Variants in COBL observed in about 807,000 individuals in gnomAD.
COBL encodes protein cordon-bleu.
COBL carries 51 observed loss-of-function variants against 98.8 expected under a neutral mutation model. The ratio of observed to expected loss-of-function variants is 0.52; its 90% confidence interval spans 0.41 to 0.65. The LOEUF (loss-of-function observed/expected upper bound fraction) is 0.65. Ranked by LOEUF, COBL falls within the 30% of genes least tolerant of loss-of-function variation. The pLI, the probability that COBL is intolerant of heterozygous loss-of-function variation, is 0.00. For synonymous variants in COBL, 634 were observed against 651.7 expected (o/e 0.97, Z 0.41); for missense variants, 1,617 against 1,617.5 (o/e 1.00, Z 0.01).
At chr7:51,268,486 T>A (rs1221819479) in intron 1 of COBL, among the ~76,000 whole-genome samples, 7 of 152,194 alleles carry the variant, frequency 4.6e-5, no homozygotes, top group Admixed American at 1.3e-4. Flanking sequence ...GCAACGCAGA[T>A]GAACGCTGAG....
At chr7:51,232,073 A>G (rs954386692) in intron 1 of COBL, among the ~76,000 whole-genome samples, 3 of 152,214 alleles carry the variant, frequency 2.0e-5, no homozygotes, top group East Asian at 1.9e-4. Flanking sequence ...TCTGAGAAAT[A>G]GGACCGTTCT....
intron 8 of COBL, chr7:51,031,199 CA>C: frequency 3.0e-6 from 1 of 333,980 alleles, no homozygotes. Context: ...TGTGGGGCCC[CA>C]AAGTGTTACA....
intron 1 of COBL, chr7:51,260,313 A>G (rs1797603395): frequency 2.3e-6 from 1 of 428,928 alleles, no homozygotes; most frequent in Admixed American, 4.0e-5. Flanking sequence ...GAACAGGATA[A>G]TATGTAAAGT....
chr7:51,280,330 T>C (rs1394542501), intron 1 of COBL, among the ~76,000 whole-genome samples: 1 of 152,190 alleles, frequency 6.6e-6, no homozygotes, highest in Admixed American at 6.5e-5. Context: ...TTCTCTATTA[T>C]GCTCATCTCC....
chr7:51,209,125 C>T (rs776847708), intron 2 of COBL, among the ~76,000 whole-genome samples: 5 of 151,700 alleles, frequency 3.3e-5, no homozygotes, highest in Non-Finnish European at 7.4e-5. Context: ...TTCATTCCTC[C>T]GTGACCCTGA....
chr7:51,043,874 T>A (rs577030534), intron 7 of COBL, among the ~76,000 whole-genome samples, 182 bp from the exon 8 acceptor site: 6 of 152,048 alleles, frequency 3.9e-5, no homozygotes, highest in African/African-American at 1.4e-4. Context: ...TCACAGGGAG[T>A]CATTTGTGTA....
chr7:51,229,210 G>A (rs975136867), intron 1 of COBL, among the ~76,000 whole-genome samples: 8 of 152,206 alleles, frequency 5.3e-5, no homozygotes, highest in Admixed American at 3.3e-4. Context: ...AGAGGCATCC[G>A]ATCCAATTCA....
chr7:51,284,296 G>A lies in COBL; in HGVS notation c.41+32297C>T, dbSNP rs921335418. 6.6e-5 allele frequency among the ~76,000 whole-genome samples: 10 copies of A among 150,986 alleles called. No individual in the cohort carries two copies. The East Asian group carries it at 9.8e-4, about 15-fold the overall frequency. Reference sequence around the variant, plus strand: ...AGCCTGGGCAACAGAGCAAGACTCCGTCTCAAAAAAAAAAGAAAAAAGAAT... The same window carrying A: ...AGCCTGGGCAACAGAGCAAGACTCCATCTCAAAAAAAAAAGAAAAAAGAAT... On this transcript the variant is annotated intron_variant, in intron 1 of 12. Transcript: ENST00000265136.
rs531920752 is a variant in COBL at position 51,279,046 on chromosome 7, A to G, written c.41+37547T>C. Among the ~76,000 whole-genome samples the G allele has an allele frequency of 2.0e-5, 3 of 152,344 alleles. No individual in the cohort carries two copies. The East Asian group carries it at 5.8e-4, about 29-fold the overall frequency. ...CAGCTGTTGTCATACTCAAATTACC[A>G]TCAGGGCCTGCCCTGTGTACTAGTC... On this transcript the variant is annotated intron_variant, in intron 1 of 12. Coordinates refer to ENST00000265136, the MANE Select transcript of COBL (RefSeq NM_015198.5).
chr7:51,134,084 CCAAA>C (rs1798999299), intron 6 of COBL, among the ~76,000 whole-genome samples: 1 of 152,128 alleles, frequency 6.6e-6, no homozygotes, highest in Non-Finnish European at 1.5e-5. Context: ...ATAAGGCTTC[CCAAA>C]CAAACATCTT....
intron 1 of COBL, among the ~76,000 whole-genome samples, chr7:51,247,395 C>A (rs534196418): frequency 1.1e-4 from 17 of 152,298 alleles, no homozygotes; most frequent in African/African-American, 4.1e-4. Flanking sequence ...GAGGTTCCTG[C>A]TAGCAAGGTA....
intron 6 of COBL, among the ~76,000 whole-genome samples, chr7:51,119,091 T>G (rs1464326672): frequency 2.0e-5 from 3 of 152,180 alleles, no homozygotes. Context: ...ACAGTTTAAT[T>G]CAGACACATA....
intron 2 of COBL, among the ~76,000 whole-genome samples, chr7:51,199,270 A>G (rs778761493): frequency 6.6e-6 from 1 of 152,102 alleles, no homozygotes; most frequent in African/African-American, 2.4e-5. Context: ...CTGACTCCAA[A>G]CTCAGCTTGA....
intron 7 of COBL, among the ~76,000 whole-genome samples, chr7:51,068,697 T>C (rs1792220326): frequency 1.3e-5 from 2 of 152,184 alleles, no homozygotes; most frequent in Admixed American, 1.3e-4. Flanking sequence ...ATTATATACT[T>C]TCTTTGTACA....
In COBL at chr7:51,085,318, A is replaced by T; in HGVS notation, c.958-14T>A. On this transcript the variant is annotated splice_polypyrimidine_tract_variant and intron_variant, in intron 6 of 12. Transcript: ENST00000265136. ...CCCAAGAGATACCTATGAAGTACAA[A>T]GAAGGAAAGTACAATCAAAGTACTT... is the stretch of plus-strand genomic sequence containing the variant. 1 of 1,273,588 alleles carries T rather than the reference A, an allele frequency of 7.9e-7. No individual in the cohort carries two copies. Among genetic ancestry groups the T allele is most frequent in the Non-Finnish European group, 1.1e-6 (1 of 947,380 alleles). 78.9% of individuals were successfully genotyped at this position (1,273,588 alleles called of 1,614,324 possible).
intron 12 of COBL, among the ~76,000 whole-genome samples, chr7:51,022,255 C>G (rs1023242224): frequency 1.3e-5 from 2 of 152,154 alleles, no homozygotes; most frequent in African/African-American, 4.8e-5. Context: ...TATTAATTGC[C>G]TAGAACTTTC....
intron 5 of COBL, among the ~76,000 whole-genome samples, chr7:51,172,010 A>G (rs1197517815): frequency 6.6e-6 from 1 of 152,260 alleles, no homozygotes; most frequent in African/African-American, 2.4e-5. Context: ...TGAAACTATG[A>G]AGAAACTTTA....
chr7:51,255,019 C>A (rs1797069928), intron 1 of COBL, among the ~76,000 whole-genome samples: 1 of 152,200 alleles, frequency 6.6e-6, no homozygotes, highest in African/African-American at 2.4e-5. Flanking sequence ...GTGGATAGTT[C>A]AAGCTGCTAC....
intron 5 of COBL, among the ~76,000 whole-genome samples, chr7:51,182,911 G>A (rs1278948412): frequency 1.3e-5 from 2 of 152,136 alleles, no homozygotes; most frequent in Non-Finnish European, 2.9e-5. Flanking sequence ...CTGCCAGTTC[G>A]GCCGAGCTCC....
Sources: gnomAD v4.1 joint callset for allele counts (sites outside exome capture counted in the v4.1 genomes callset) on GRCh38, gnomAD v4.1.1 for gene constraint, MANE v1.5 for transcripts, NCBI Gene and HGNC (gene_info 2026-07-23, HGNC 2026-07-21) for gene names.